IFT74: variants seen among roughly 807,000 people sequenced by gnomAD.
IFT74 encodes intraflagellar transport protein 74 homolog.
In IFT74, 92 loss-of-function variants were observed where a neutral mutation model predicts 96.7. The observed-to-expected ratio is 0.95, with a 90% confidence interval of 0.80 to 1.13. The LOEUF (loss-of-function observed/expected upper bound fraction) is 1.13, where lower values mean the gene tolerates loss of function less well. IFT74 is among the 50% of genes most tolerant of loss of function. The pLI is 0.00. For missense variants in IFT74, 811 were observed against 698.2 expected (o/e 1.16, Z -1.82); for synonymous variants, 223 against 213.2 (o/e 1.05, Z -0.40).
intron 4 of IFT74, among the ~76,000 whole-genome samples, chr9:26,981,080 G>C (rs1827355796): frequency 6.6e-6 from 1 of 152,152 alleles, no homozygotes; most frequent in Admixed American, 6.5e-5. Flanking sequence ...TGCTGAGCTA[G>C]TTTCCTTCAA....
rs910251154 is a variant in IFT74 at position 27,041,251 on chromosome 9, C to G, written c.1055-3491C>G. ...GATAAAGTACCTTGCTGGTATAATT[C>G]CTGTGTAAAATCCTCCTGAAGTCTT... On this transcript the variant is annotated intron_variant, in intron 13 of 19. Transcript: ENST00000380062. Among the ~76,000 whole-genome samples, 5 of 152,212 alleles carry G rather than the reference C, an allele frequency of 3.3e-5. No individual in the cohort carries two copies. In the South Asian group the frequency reaches 1.0e-3, roughly 32 times the overall value.
chr9:27,058,901 A>C (rs1441112427), intron 18 of IFT74, among the ~76,000 whole-genome samples: 1 of 152,218 alleles, frequency 6.6e-6, no homozygotes, highest in Non-Finnish European at 1.5e-5. Flanking sequence ...TATAATTGAC[A>C]CAATTTTCTT....
chr9:27,011,905 G>T lies in IFT74; in HGVS notation c.727-1G>T. On this transcript the variant is annotated splice_acceptor_variant, in intron 9 of 19. Transcript: ENST00000380062. LOFTEE classifies it high-confidence loss of function. ...ATGTTTGCTTTTTTTTTTCCACTTAGGAATTAGATACACTTCAACAACAAT... is the reference window on the plus strand; with the variant it reads ...ATGTTTGCTTTTTTTTTTCCACTTATGAATTAGATACACTTCAACAACAAT... 6.5e-7 allele frequency: 1 copy of T among 1,532,810 alleles called. No individual in the cohort carries two copies. Among genetic ancestry groups the T allele is most frequent in the South Asian group, 1.3e-5 (1 of 76,968 alleles). 95.0% of individuals were successfully genotyped at this position (1,532,810 alleles called of 1,614,324 possible). A position where few individuals can be genotyped will look rare whatever the true frequency, so the allele number is the denominator to read the frequency against.
chr9:27,028,243 A>G (rs1038583662), intron 12 of IFT74, among the ~76,000 whole-genome samples: 1 of 152,192 alleles, frequency 6.6e-6, no homozygotes, highest in Non-Finnish European at 1.5e-5. Flanking sequence ...ATTAACCTAT[A>G]TAATCTTCTG....
intron 12 of IFT74, among the ~76,000 whole-genome samples, chr9:27,019,556 A>G (rs1327744317): frequency 1.3e-5 from 2 of 151,592 alleles, no homozygotes; most frequent in African/African-American, 2.4e-5. Context: ...GGAAATAAAA[A>G]TTAATAAAAT....
chr9:27,026,043 C>T (rs772505157), intron 12 of IFT74, among the ~76,000 whole-genome samples: 12 of 152,192 alleles, frequency 7.9e-5, no homozygotes, highest in African/African-American at 1.9e-4. Flanking sequence ...TACAGAATAA[C>T]GGAATGGATA....
rs572716192 is a variant in IFT74, at chr9:27,048,981, G to A, written c.1333+707G>A. 1.2e-4 allele frequency among the ~76,000 whole-genome samples: 19 copies of A among 152,236 alleles called. No homozygotes were observed. In the East Asian group the frequency reaches 3.3e-3, roughly 26 times the overall value. ...TTTGGGTCATGGGGGCGGATCTCTC[G>A]TGAATGGCTCAGTGTCATCCTTGCA... On this transcript the variant is annotated intron_variant, in intron 16 of 19. Transcript: ENST00000380062.
At chr9:26,998,232 A>G (rs1828274752) in intron 8 of IFT74, 2 of 1,458,994 alleles carry the variant, frequency 1.4e-6, no homozygotes, top group Non-Finnish European at 1.8e-6. Context: ...GTAAAATTAC[A>G]TTGGACTTCC....
rs1266661966 is a variant in IFT74 at position 27,064,464 on chromosome 9, T to A, written c.*1728T>A. On this transcript the variant is annotated 3_prime_UTR_variant, in exon 20 of 20. Transcript: ENST00000380062. Reference sequence around the variant, plus strand: ...AGATTTTGATGACAGTTTGCAGCCCTTCGTTCATTCATAAAGTATTACTGT... The same window carrying A: ...AGATTTTGATGACAGTTTGCAGCCCATCGTTCATTCATAAAGTATTACTGT... Among the ~76,000 whole-genome samples the A allele has an allele frequency of 2.0e-5, 3 of 152,156 alleles. No individual in the cohort carries two copies. Among genetic ancestry groups the A allele is most frequent in the African/African-American group, 7.2e-5 (3 of 41,464 alleles).
At position 26,965,847 on chromosome 9, in the gene IFT74, T is replaced by C. The variant is rs551436549; in HGVS notation, c.120+3760T>C. Reference sequence around the variant, plus strand: ...CACTCTGTATGTCCGTATGTACCCATTGTTTAGCTCCCACTTATAAGTGAG... The same window carrying C: ...CACTCTGTATGTCCGTATGTACCCACTGTTTAGCTCCCACTTATAAGTGAG... On this transcript the variant is annotated intron_variant, in intron 2 of 19. Transcript: ENST00000380062. 5.3e-5 allele frequency among the ~76,000 whole-genome samples: 8 copies of C among 152,180 alleles called. No homozygotes were observed. The South Asian group carries it at 1.7e-3, about 32-fold the overall frequency.
intron 13 of IFT74, among the ~76,000 whole-genome samples, chr9:27,035,490 T>C (rs972248896): frequency 6.6e-6 from 1 of 152,238 alleles, no homozygotes; most frequent in Admixed American, 6.5e-5. Flanking sequence ...TGAAACTTGT[T>C]AGAAATGCAA....
chr9:26,952,897 C>G (rs1462916170), upstream of IFT74, among the ~76,000 whole-genome samples: 5 of 152,138 alleles, frequency 3.3e-5, no homozygotes, highest in Admixed American at 3.3e-4. Context: ...AGAAAAATAT[C>G]AATTTCTTAT....
At chr9:27,052,507 CAA>C (rs1187027414) in intron 16 of IFT74, among the ~76,000 whole-genome samples, 817 of 57,170 alleles carry the variant, frequency 0.014, 8 homozygotes, top group African/African-American at 0.048. Flanking sequence ...AAATCTATCT[CAA>C]AAAAAAAAAA....
intron 4 of IFT74, among the ~76,000 whole-genome samples, chr9:26,983,132 A>G (rs943052673): frequency 6.6e-6 from 1 of 151,970 alleles, no homozygotes; most frequent in African/African-American, 2.4e-5. Flanking sequence ...CCTGGATCCT[A>G]TTGAGTCTCA....
Position 27,029,105 on chromosome 9 carries a change from G to A in IFT74, c.1054+1G>A. Reference sequence around the variant, plus strand: ...GACATGGATTTAGAGGAACACCAAGGTATGCTTCTGGTATTTTTATAATGT... The same window carrying A: ...GACATGGATTTAGAGGAACACCAAGATATGCTTCTGGTATTTTTATAATGT... On this transcript the variant is annotated splice_donor_variant, in intron 13 of 19. Transcript: ENST00000380062. LOFTEE classifies it high-confidence loss of function. 1 of 1,591,076 alleles carries A rather than the reference G, an allele frequency of 6.3e-7. No individual in the cohort carries two copies. Among genetic ancestry groups the A allele is most frequent in the Non-Finnish European group, 8.6e-7 (1 of 1,167,428 alleles).
chr9:27,027,008 T>C (rs919038060), intron 12 of IFT74, among the ~76,000 whole-genome samples: 2 of 151,412 alleles, frequency 1.3e-5, no homozygotes, highest in African/African-American at 4.9e-5. Flanking sequence ...AAACAAAAAA[T>C]TGAAAGATAA....
chr9:27,052,513 A>G (rs1321162426), intron 16 of IFT74, among the ~76,000 whole-genome samples: 1 of 151,018 alleles, frequency 6.6e-6, no homozygotes, highest in East Asian at 1.9e-4. Context: ...ATCTCAAAAA[A>G]AAAAAAAAAA....
chr9:26,986,179 G>A (rs990175229), intron 6 of IFT74, among the ~76,000 whole-genome samples: 20 of 152,112 alleles, frequency 1.3e-4, no homozygotes, highest in Non-Finnish European at 1.5e-4. Context: ...ATAATGGTTA[G>A]GATAAGATAA....
In IFT74 at chr9:27,028,384, G is replaced by C. The variant is rs73643129; in HGVS notation, c.975-641G>C. 5.9e-3 allele frequency among the ~76,000 whole-genome samples: 898 copies of C among 152,198 alleles called. 9 individuals are homozygous for C. Among genetic ancestry groups the C allele is most frequent in the African/African-American group, 0.021 (855 of 41,532 alleles). On this transcript the variant is annotated intron_variant, in intron 12 of 19. Coordinates refer to ENST00000380062, the MANE Select transcript of IFT74 (RefSeq NM_025103.4). ...TTAATACTGCAAATCAAACTCAAAG[G>C]AAAGTTGGGAGGGGGTGTGCTGTTT...
Sources: gnomAD v4.1 joint callset for allele counts (sites outside exome capture counted in the v4.1 genomes callset) on GRCh38, gnomAD v4.1.1 for gene constraint, MANE v1.5 for transcripts, NCBI Gene and HGNC (gene_info 2026-07-23, HGNC 2026-07-21) for gene names.